TMEM212: variants seen among roughly 807,000 people sequenced by gnomAD.
TMEM212 encodes the protein transmembrane protein 212.
In TMEM212, 23 loss-of-function variants were observed where a neutral mutation model predicts 20.5. That is an observed-to-expected ratio of 1.12 (90% CI 0.81 to 1.59). TMEM212 has a LOEUF of 1.59. Among genes scored for constraint, TMEM212 ranks in the 40% most tolerant of loss-of-function variants. TMEM212 has a pLI of 0.00. For synonymous variants in TMEM212, 76 were observed against 81.6 expected (o/e 0.93, Z 0.37); for missense variants, 211 against 215.0 (o/e 0.98, Z 0.12).
In TMEM212 at chr3:171,853,592, C is replaced by CT. The variant is rs1158967996; in HGVS notation, c.287dup (p.Leu96PhefsTer21). ...GATGTCCACTTCATTTTGCAATAGC[C>CT]TTGGAATCTGCTCTCCTGGGCCCAT... On this transcript the variant is annotated frameshift_variant, in exon 3 of 5. Coordinates refer to ENST00000334567, the MANE Select transcript of TMEM212 (RefSeq NM_001164436.2). LOFTEE classifies it high-confidence loss of function. 6.5e-7 allele frequency: 1 copy of CT among 1,537,174 alleles called. No homozygotes were observed. The highest frequency in any genetic ancestry group is 2.0e-5 in the Admixed American group (1 of 50,992).
intron 2 of TMEM212, among the ~76,000 whole-genome samples, 179 bp from the exon 3 acceptor site, chr3:171,853,348 T>A (rs916490104): frequency 6.6e-6 from 1 of 151,398 alleles, no homozygotes; most frequent in African/African-American, 2.4e-5. Context: ...AAAATGAATA[T>A]ACAAGGGACA....
At chr3:171,853,434 TAGCCAGCA>T (rs1725035080) in intron 2 of TMEM212, 85 bp from the exon 3 acceptor site, 5 of 1,040,878 alleles carry the variant, frequency 4.8e-6, no homozygotes, top group Non-Finnish European at 6.8e-6. Context: ...GAGAGATTCA[TAGCCAGCA>T]TCTCTTTTAT....
intron 3 of TMEM212, among the ~76,000 whole-genome samples, chr3:171,856,390 G>A (rs1419726293): frequency 6.6e-6 from 1 of 152,184 alleles, no homozygotes; most frequent in East Asian, 1.9e-4. Flanking sequence ...GACACTGTAA[G>A]TGCTGCTTGC....
chr3:171,844,646 C>T (rs1285884917), intron 1 of TMEM212, among the ~76,000 whole-genome samples: 2 of 152,096 alleles, frequency 1.3e-5, no homozygotes, highest in Admixed American at 1.3e-4. Context: ...GCAGAGTTTG[C>T]AGTGAGCCGA....
At chr3:171,856,399 G>A (rs768455985) in intron 3 of TMEM212, among the ~76,000 whole-genome samples, 22 of 152,108 alleles carry the variant, frequency 1.4e-4, no homozygotes, top group Non-Finnish European at 2.6e-4. Flanking sequence ...AGTGCTGCTT[G>A]CCCTGAGAAG....
chr3:171,856,367 A>G lies in TMEM212; in HGVS notation c.544-296A>G, dbSNP rs535438488. Among the ~76,000 whole-genome samples the G allele has an allele frequency of 2.0e-5, 3 of 152,326 alleles. No individual in the cohort carries two copies. In the South Asian group the frequency reaches 6.2e-4, roughly 32 times the overall value. On this transcript the variant is annotated intron_variant, in intron 3 of 4. Coordinates refer to ENST00000334567, the MANE Select transcript of TMEM212 (RefSeq NM_001164436.2). ...TTCCTAAGAGAACAATCAGCCTAGT[A>G]AACTGGATAAGTGACACTGTAAGTG...
chr3:171,846,173 C>CT (rs1560324768), intron 1 of TMEM212, among the ~76,000 whole-genome samples: 1 of 152,220 alleles, frequency 6.6e-6, no homozygotes, highest in African/African-American at 2.4e-5. Context: ...GCCTCAGGGC[C>CT]TTTGCACTAC....
chr3:171,843,577 T>A (rs1724763160), intron 1 of TMEM212, 35 bp downstream of exon 1: 1 of 1,480,272 alleles, frequency 6.8e-7, no homozygotes, highest in African/African-American at 1.4e-5. Flanking sequence ...ATTGAGAAAA[T>A]AAAAGAAGGT....
intron 1 of TMEM212, among the ~76,000 whole-genome samples, chr3:171,848,696 C>T (rs1478706316): frequency 6.9e-6 from 1 of 144,770 alleles, no homozygotes; most frequent in Non-Finnish European, 1.5e-5. Context: ...TTTTTTATAT[C>T]TGACCAAAAT....
chr3:171,845,764 G>A (rs1182588529), intron 1 of TMEM212, among the ~76,000 whole-genome samples: 13 of 152,092 alleles, frequency 8.5e-5, no homozygotes, highest in Non-Finnish European at 1.9e-4. Context: ...TCAAAAGCAG[G>A]ACCCTCAGCC....
Position 171,853,703 on chromosome 3 carries a change from A to C in TMEM212, c.396A>C (p.Pro132=). 6.5e-7 allele frequency: 1 copy of C among 1,537,486 alleles called. No individual in the cohort carries two copies. The highest frequency in any genetic ancestry group is 8.7e-7 in the Non-Finnish European group (1 of 1,146,930). The change falls in exon 3 of 5, where the codon CCA becomes CCC. Residue 132 remains proline (P), a synonymous_variant. Transcript: ENST00000334567. ...VTFPYPYAKF[P]LACVDPPHYE... ...TTCCTTATCCATATGCAAAATTCCC[A>C]TTAGCCTGTGTGGACCCACCACACT...
intron 4 of TMEM212, 42 bp downstream of exon 4, chr3:171,856,749 T>A: frequency 1.6e-6 from 1 of 623,438 alleles, no homozygotes; most frequent in East Asian, 2.8e-5. Flanking sequence ...GACCAGAATA[T>A]AAAAGCACAC....
chr3:171,851,886 A>C (rs1411789776), intron 1 of TMEM212, 96 bp from the exon 2 acceptor site: 1 of 1,097,726 alleles, frequency 9.1e-7, no homozygotes, highest in Non-Finnish European at 1.3e-6. Context: ...TGTTCCTTCA[A>C]GTTCATGATA....
chr3:171,856,727 GA>G lies in TMEM212; in HGVS notation c.*3+24del. The G allele has an allele frequency of 1.5e-6, 1 of 662,460 alleles. No individual in the cohort carries two copies. Among genetic ancestry groups the G allele is most frequent in the Non-Finnish European group, 2.7e-6 (1 of 365,738 alleles). The allele number at this position is 662,460 out of a possible 1,614,324, so 41.0% of individuals were successfully genotyped here. ...TAAAAGGTAAAATGGTCTGGGGATA[GA>G]AAAGGCCTGGGACCAGAATATAAAA... On this transcript the variant is annotated intron_variant, in intron 4 of 4. Coordinates refer to ENST00000334567, the MANE Select transcript of TMEM212 (RefSeq NM_001164436.2).
intron 4 of TMEM212, among the ~76,000 whole-genome samples, 184 bp from the exon 5 acceptor site, chr3:171,857,874 TATC>T (rs758509531): frequency 4.0e-5 from 6 of 151,426 alleles, no homozygotes; most frequent in Non-Finnish European, 8.8e-5. Context: ...AAATGACTAT[TATC>T]AACCGGGTAA....
chr3:171,857,375 C>A (rs1725145990), intron 4 of TMEM212, among the ~76,000 whole-genome samples: 1 of 152,102 alleles, frequency 6.6e-6, no homozygotes, highest in African/African-American at 2.4e-5. Context: ...CGATCTGAGG[C>A]CAGTCACAGA....
At chr3:171,844,200 A>T (rs1724781424) in intron 1 of TMEM212, among the ~76,000 whole-genome samples, 1 of 152,112 alleles carries the variant, frequency 6.6e-6, no homozygotes, top group African/African-American at 2.4e-5. Flanking sequence ...CAGATAAACG[A>T]TTGGCCTGGT....
chr3:171,858,312 G>T lies in TMEM212; in HGVS notation c.*255G>T, dbSNP rs1051683172. The T allele has an allele frequency of 5.9e-5, 9 of 152,102 alleles. No individual in the cohort carries two copies. The highest frequency in any genetic ancestry group is 2.9e-5 in the Non-Finnish European group (2 of 68,060). 9.4% of individuals were successfully genotyped at this position (152,102 alleles called of 1,614,324 possible). ...TCTTTGACAAACCTGACAAAAACAA[G>T]AAATGGGGAAAGGATTCCCTTTTTA... On this transcript the variant is annotated 3_prime_UTR_variant, in exon 5 of 5. Coordinates refer to ENST00000334567, the MANE Select transcript of TMEM212 (RefSeq NM_001164436.2).
At position 171,851,983 on chromosome 3, in the gene TMEM212, C is replaced by A. The variant is rs1417835594; in HGVS notation, c.161C>A (p.Ala54Asp). ...IACPIWNGALAITTGVLLLLA... is the reference protein window; with the variant it reads ...IACPIWNGALDITTGVLLLLA... ...TATTTTTCCATTTTCTTGTCACAGG[C>A]CATCACAACTGGTGTGCTTCTACTG... Residue 54 changes from alanine (A) to aspartate (D), a missense_variant and splice_region_variant, in exon 2 of 5, where the codon GCC (alanine) becomes GAC (aspartate). Coordinates refer to ENST00000334567, the MANE Select transcript of TMEM212 (RefSeq NM_001164436.2). 1 of 1,536,898 alleles carries A rather than the reference C, an allele frequency of 6.5e-7. No homozygotes were observed. The highest frequency in any genetic ancestry group is 1.2e-5 in the South Asian group (1 of 84,054).
Sources: gnomAD v4.1 joint callset for allele counts (sites outside exome capture counted in the v4.1 genomes callset) on GRCh38, gnomAD v4.1.1 for gene constraint, MANE v1.5 for transcripts, NCBI Gene and HGNC (gene_info 2026-07-23, HGNC 2026-07-21) for gene names.